The following RALYL variants were observed in gnomAD, a reference collection of about 807,000 sequenced individuals.
RALYL encodes RNA-binding Raly-like protein.
In RALYL, 29 loss-of-function variants were observed where a neutral mutation model predicts 35.1. The observed-to-expected ratio is 0.83, with a 90% CI of 0.61 to 1.13. The LOEUF is 1.13. RALYL is among the 50% of genes most tolerant of loss of function. The probability of loss-of-function intolerance (pLI) is 0.00; values close to 1 mark genes in which losing one functional copy is unlikely to be tolerated. For missense variants in RALYL, 359 were observed against 360.4 expected (o/e 1.00, Z 0.03); for synonymous variants, 120 against 127.6 (o/e 0.94, Z 0.40).
Position 84,801,946 on chromosome 8 carries a change from AAAAT to A in RALYL, c.333-2817_333-2814del, listed in dbSNP as rs565003850. ...ATTATTCTGAATTTCTAAATCTAGG[AAAAT>A]AAATAACTTGATATGTATTAAAAGT... On this transcript the variant is annotated intron_variant, in intron 3 of 8. Coordinates refer to ENST00000521268, the MANE Select transcript of RALYL (RefSeq NM_173848.7). Among the ~76,000 whole-genome samples the A allele has an allele frequency of 3.5e-3, 536 of 152,354 alleles. 2 individuals carry two copies. The highest frequency in any genetic ancestry group is 6.1e-3 in the Non-Finnish European group (418 of 68,042).
intron 1 of RALYL, among the ~76,000 whole-genome samples, chr8:84,327,033 T>A (rs1362664098): frequency 6.6e-6 from 1 of 152,182 alleles, no homozygotes; most frequent in African/African-American, 2.4e-5. Context: ...AAACACTTGG[T>A]TGACATGCTA....
intron 1 of RALYL, among the ~76,000 whole-genome samples, chr8:84,312,167 A>G (rs1221295050): frequency 6.6e-6 from 1 of 152,154 alleles, no homozygotes; most frequent in Non-Finnish European, 1.5e-5. Flanking sequence ...GTACCAAACA[A>G]GCAGATCCTG....
At chr8:84,424,747 T>G (rs957382187) in intron 1 of RALYL, among the ~76,000 whole-genome samples, 4 of 152,102 alleles carry the variant, frequency 2.6e-5, no homozygotes, top group Admixed American at 6.5e-5. Flanking sequence ...GTCCTTTCTG[T>G]TTGTTAGTTT....
At chr8:84,541,963 A>G (rs987908763) in intron 2 of RALYL, among the ~76,000 whole-genome samples, 6 of 152,092 alleles carry the variant, frequency 3.9e-5, no homozygotes, top group Non-Finnish European at 7.4e-5. Flanking sequence ...GTGTTCTTGC[A>G]AGGAACATAG....
At chr8:84,762,504 TC>T (rs1425972011) in intron 2 of RALYL, among the ~76,000 whole-genome samples, 3 of 152,196 alleles carry the variant, frequency 2.0e-5, no homozygotes, top group Non-Finnish European at 4.4e-5. Flanking sequence ...ATGAAAAGAA[TC>T]TTTTTGAAAA....
chr8:84,435,321 GACATA>G (rs2047584397), intron 1 of RALYL, among the ~76,000 whole-genome samples: 2 of 152,062 alleles, frequency 1.3e-5, no homozygotes, highest in South Asian at 4.1e-4. Flanking sequence ...TTACTGTATA[GACATA>G]ACATAACATT....
In RALYL at chr8:84,192,636, C is replaced by A. The variant is rs148863759; in HGVS notation, c.-24+8212C>A. ...GCAGTGACACGATTTCGGCTCACTG[C>A]AACCTCCGCTTACCATGTTCAAGCA... is the stretch of plus-strand genomic sequence containing the variant. On this transcript the variant is annotated intron_variant, in intron 1 of 8. Coordinates refer to ENST00000521268, the MANE Select transcript of RALYL (RefSeq NM_173848.7). 3.2e-3 allele frequency among the ~76,000 whole-genome samples: 491 copies of A among 152,036 alleles called. 4 individuals carry two copies. Among genetic ancestry groups the A allele is most frequent in the African/African-American group, 0.011 (465 of 41,446 alleles).
intron 8 of RALYL, among the ~76,000 whole-genome samples, chr8:84,907,310 TCACACACACACACACA>T (rs71273918): frequency 2.7e-5 from 4 of 148,042 alleles, no homozygotes; most frequent in Admixed American, 6.7e-5. Flanking sequence ...AGATATAGCG[TCACACACACACACACA>T]CACACACACA....
At chr8:84,798,336 A>C (rs1415941874) in intron 3 of RALYL, among the ~76,000 whole-genome samples, 1 of 152,208 alleles carries the variant, frequency 6.6e-6, no homozygotes, top group Non-Finnish European at 1.5e-5. Context: ...GATTAAAAAA[A>C]AAAAGTAATA....
intron 1 of RALYL, among the ~76,000 whole-genome samples, chr8:84,438,673 T>C (rs775216165): frequency 2.6e-5 from 4 of 152,134 alleles, no homozygotes; most frequent in African/African-American, 4.8e-5. Context: ...ATTAAAGGCA[T>C]GAGACACCGT....
At chr8:84,507,174 G>C (rs574376610) in intron 1 of RALYL, among the ~76,000 whole-genome samples, 3 of 151,940 alleles carry the variant, frequency 2.0e-5, no homozygotes, top group African/African-American at 7.3e-5. Flanking sequence ...CAGTTACTAG[G>C]ATACTATCAC....
At position 84,840,486 on chromosome 8, in the gene RALYL, C is replaced by T. The variant is rs555197727; in HGVS notation, c.366-9494C>T. Among the ~76,000 whole-genome samples the T allele has an allele frequency of 7.2e-5, 11 of 152,276 alleles. No individual in the cohort carries two copies. The East Asian group carries it at 1.5e-3, about 21-fold the overall frequency. ...ACTATGTGAAAAGACCAAATCTACG[C>T]CTGACTGGTGTACCTGAAAGTGACT... On this transcript the variant is annotated intron_variant, in intron 4 of 8. Coordinates refer to ENST00000521268, the MANE Select transcript of RALYL (RefSeq NM_173848.7).
chr8:84,847,410 C>T (rs1280723591), intron 4 of RALYL, among the ~76,000 whole-genome samples: 1 of 152,144 alleles, frequency 6.6e-6, no homozygotes, highest in African/African-American at 2.4e-5. Context: ...TACTGTGTCA[C>T]CTCTCTGTTG....
intron 2 of RALYL, among the ~76,000 whole-genome samples, chr8:84,538,892 T>C (rs908408687): frequency 1.3e-5 from 2 of 152,150 alleles, no homozygotes; most frequent in Non-Finnish European, 2.9e-5. Flanking sequence ...TAAAAAGTAT[T>C]ATAAGGTTGT....
At chr8:84,623,289 A>C (rs757603893) in intron 2 of RALYL, among the ~76,000 whole-genome samples, 8 of 152,208 alleles carry the variant, frequency 5.3e-5, no homozygotes, top group Admixed American at 6.5e-5. Context: ...TTTTAGATAC[A>C]TCAGTCTAAA....
At chr8:84,701,974 C>T (rs1412515565) in intron 2 of RALYL, among the ~76,000 whole-genome samples, 1 of 152,070 alleles carries the variant, frequency 6.6e-6, no homozygotes, top group African/African-American at 2.4e-5. Flanking sequence ...CACTATGTCT[C>T]GCCCTCTGTG....
intron 4 of RALYL, among the ~76,000 whole-genome samples, chr8:84,836,789 G>A (rs1358887340): frequency 1.3e-5 from 2 of 152,208 alleles, no homozygotes; most frequent in African/African-American, 2.4e-5. Context: ...CCACGGGGAA[G>A]TATGCTCTGG....
intron 1 of RALYL, among the ~76,000 whole-genome samples, chr8:84,389,974 G>C (rs1860233711): frequency 6.6e-6 from 1 of 151,864 alleles, no homozygotes; most frequent in Non-Finnish European, 1.5e-5. Context: ...GATATTGGCT[G>C]TGGGTTTGTC....
chr8:84,302,341 A>C (rs949150878), intron 1 of RALYL, among the ~76,000 whole-genome samples: 1 of 152,122 alleles, frequency 6.6e-6, no homozygotes, highest in Non-Finnish European at 1.5e-5. Flanking sequence ...TCTAGATCTT[A>C]AGAACTAAGC....
Sources: gnomAD v4.1 joint callset for allele counts (sites outside exome capture counted in the v4.1 genomes callset) on GRCh38, gnomAD v4.1.1 for gene constraint, MANE v1.5 for transcripts, NCBI Gene and HGNC (gene_info 2026-07-23, HGNC 2026-07-21) for gene names.